The following REXO4 variants were observed in gnomAD, a reference collection of about 807,000 sequenced individuals.
The protein encoded by REXO4 is RNA exonuclease 4.
Under a neutral mutation model 39.9 loss-of-function variants are expected in REXO4, and 29 were observed. The ratio of observed to expected loss-of-function variants is 0.73; its 90% CI spans 0.54 to 0.99. The LOEUF (loss-of-function observed/expected upper bound fraction) is 0.99. Ranked by LOEUF, REXO4 falls within the 50% of genes least tolerant of loss-of-function variation. REXO4 has a pLI of 0.00. For synonymous variants in REXO4, 184 were observed against 206.2 expected, an observed-to-expected ratio of 0.89 and a Z score of 0.92; for missense variants, 524 against 546.5, an observed-to-expected ratio of 0.96 and a Z score of 0.41.
intron 4 of REXO4, among the ~76,000 whole-genome samples, chr9:133,412,089 C>T (rs894961419): frequency 2.0e-5 from 3 of 151,882 alleles, no homozygotes; most frequent in Admixed American, 6.5e-5. Context: ...TTGAAGTCAG[C>T]GGACAGGAGG....
chr9:133,414,441 C>A, intron 2 of REXO4: 1 of 694,956 alleles, frequency 1.4e-6, no homozygotes, highest in South Asian at 1.5e-5. Flanking sequence ...TGTACTGGCA[C>A]CCACTAAATG....
Position 133,417,752 on chromosome 9 carries a change from G to C in REXO4, c.93C>G (p.Asn31Lys), listed in dbSNP as rs782601459. The change falls in exon 1 of 8, where the codon AAC becomes AAG. Residue 31 changes from asparagine to lysine, a missense_variant. Coordinates refer to ENST00000371942, the MANE Select transcript of REXO4 (RefSeq NM_020385.4). ...TTTTCCAAAACCTTTTTTTCTTCTT[G>C]TTTTTCTTCCGAGTGAGCGTCTTGA... ...GPVKTLTRKKNKKKKRFWKSK... is the reference protein window; with the variant it reads ...GPVKTLTRKKKKKKKRFWKSK... The C allele has an allele frequency of 6.2e-6, 10 of 1,613,430 alleles. No homozygotes were observed. In the South Asian group the frequency reaches 9.9e-5, roughly 16 times the overall value.
chr9:133,407,992 T>C, intron 6 of REXO4, 111 bp from the exon 7 acceptor site: 1 of 768,228 alleles, frequency 1.3e-6, no homozygotes, highest in Non-Finnish European at 2.1e-6. Flanking sequence ...CGACCTACAG[T>C]TTGCCTCTCA....
In REXO4 at chr9:133,411,066, CTCT is replaced by C; in HGVS notation, c.915_917del (p.Glu306del). ...CCACTTCCTTCTGAACAACTTCAAG[CTCT>C]TCTCCTGGAAAATCAACACAAAGAA... On this transcript the variant is annotated inframe_deletion, in exon 5 of 8. Transcript: ENST00000371942. 1 of 1,614,096 alleles carries C rather than the reference CTCT, an allele frequency of 6.2e-7. No homozygotes were observed. Among genetic ancestry groups the C allele is most frequent in the Non-Finnish European group, 8.5e-7 (1 of 1,179,964 alleles).
intron 5 of REXO4, 136 bp downstream of exon 5, chr9:133,410,849 T>C (rs782305095): frequency 3.0e-6 from 2 of 672,704 alleles, no homozygotes; most frequent in East Asian, 2.7e-5. Context: ...GCACGCGGTA[T>C]CTGATATTAT....
intron 1 of REXO4, among the ~76,000 whole-genome samples, chr9:133,416,274 G>A (rs1839595199): frequency 6.6e-6 from 1 of 152,196 alleles, no homozygotes; most frequent in African/African-American, 2.4e-5. Context: ...TCGTTACTGA[G>A]GGGAGGGCAC....
chr9:133,413,058 G>A (rs1391907927), intron 2 of REXO4, 137 bp from the exon 3 acceptor site: 10 of 883,292 alleles, frequency 1.1e-5, no homozygotes, highest in African/African-American at 5.1e-5. Flanking sequence ...CAGACACCCC[G>A]ACTGCTGGCC....
chr9:133,406,787 A>G lies in REXO4; in HGVS notation c.*166T>C. The stretch of plus-strand genomic sequence containing the variant: ...ACAGTAAGACCAGGTTTCAGACCAC[A>G]AAGTCAAGAGGAAGGAGGACCTTCT... On this transcript the variant is annotated 3_prime_UTR_variant, in exon 8 of 8. Transcript: ENST00000371942. The G allele has an allele frequency of 2.9e-6, 3 of 1,022,068 alleles. No homozygotes were observed. The highest frequency in any genetic ancestry group is 4.3e-6 in the Non-Finnish European group (3 of 705,186). The allele number at this position is 1,022,068 out of a possible 1,614,324, so 63.3% of individuals were successfully genotyped here. A position where few individuals can be genotyped will look rare whatever the true frequency, so the allele number is the denominator to read the frequency against.
rs1349291768 is a variant in REXO4, at chr9:133,408,798, C to G, written c.1044G>C (p.Gln348His). ...DHPKKKIRDT[Q>H]KYKPFKSQVK... Reference sequence around the variant, plus strand: ...CTTGACTCTTGAAAGGTTTATATTTCTGTGTGTCCCGAATCTTCTTTTTTG... The same window carrying G: ...CTTGACTCTTGAAAGGTTTATATTTGTGTGTGTCCCGAATCTTCTTTTTTG... Residue 348 changes from glutamine to histidine, a missense_variant, in exon 6 of 8, where the codon CAG (glutamine) becomes CAC (histidine). Physicochemically the swap from Gln to His is conservative, Grantham distance 24. Coordinates refer to ENST00000371942, the MANE Select transcript of REXO4 (RefSeq NM_020385.4). The G allele has an allele frequency of 1.9e-6, 3 of 1,596,752 alleles. No individual in the cohort carries two copies. The highest frequency in any genetic ancestry group is 2.6e-6 in the Non-Finnish European group (3 of 1,165,416).
chr9:133,406,672 C>T lies in REXO4; in HGVS notation c.*281G>A. 2 of 463,974 alleles carry T rather than the reference C, an allele frequency of 4.3e-6. No individual in the cohort carries two copies. Among genetic ancestry groups the T allele is most frequent in the Non-Finnish European group, 7.9e-6 (2 of 252,078 alleles). The allele number at this position is 463,974 out of a possible 1,614,324, so 28.7% of individuals were successfully genotyped here. ...CCACAGGCCCCAACCTCACCTGGCC[C>T]AGGGGGTCAGCAGTCGGTAAAGCGT... On this transcript the variant is annotated 3_prime_UTR_variant, in exon 8 of 8. Transcript: ENST00000371942.
At chr9:133,416,928 C>T in intron 1 of REXO4, among the ~76,000 whole-genome samples, 1 of 152,214 alleles carries the variant, frequency 6.6e-6, no homozygotes, top group East Asian at 1.9e-4. Flanking sequence ...GTCGCTAGAA[C>T]CCCATCACAT....
Position 133,414,791 on chromosome 9 carries a change from G to C in REXO4, c.446C>G (p.Ala149Gly), listed in dbSNP as rs1032708145. 10 of 1,614,100 alleles carry C rather than the reference G, an allele frequency of 6.2e-6. No homozygotes were observed. The highest frequency in any genetic ancestry group is 8.5e-6 in the Non-Finnish European group (10 of 1,180,012). Residue 149 changes from alanine to glycine, a missense_variant, in exon 2 of 8, where the codon GCC (alanine) becomes GGC (glycine). Ala to Gly is a moderately conservative substitution (Grantham distance 60). Coordinates refer to ENST00000371942, the MANE Select transcript of REXO4 (RefSeq NM_020385.4). ...TTTCTTATTGTGCTCTGTTCCACTG[G>C]CCTTGGTGCGAGGTACTGGCGCCCT... ...DRRAPVPRTK[A>G]SGTEHNKKGT...
In REXO4 at chr9:133,412,506, A is replaced by T; in HGVS notation, c.717-14T>A. On this transcript the variant is annotated splice_polypyrimidine_tract_variant and intron_variant, in intron 3 of 7. Transcript: ENST00000371942. ...GCTCTTGTCAGGCTGAAGGGTAACCAAAGGCTGTAGTTTAATAAACACGGC... is the reference window on the plus strand; with the variant it reads ...GCTCTTGTCAGGCTGAAGGGTAACCTAAGGCTGTAGTTTAATAAACACGGC... 1.9e-6 allele frequency: 3 copies of T among 1,613,474 alleles called. No individual in the cohort carries two copies. The highest frequency in any genetic ancestry group is 2.5e-6 in the Non-Finnish European group (3 of 1,179,714).
At chr9:133,416,561 C>A (rs964058456) in intron 1 of REXO4, among the ~76,000 whole-genome samples, 1 of 152,104 alleles carries the variant, frequency 6.6e-6, no homozygotes, top group Non-Finnish European at 1.5e-5. Context: ...ATGATCCTAA[C>A]AGGAGGTAGC....
chr9:133,408,934 TTGTGTGTGTGTGTGTGTGTGTGTGTG>T (rs71503345), intron 5 of REXO4, 92 bp from the exon 6 acceptor site: 20 of 322,006 alleles, frequency 6.2e-5, no homozygotes, highest in East Asian at 4.5e-4. Context: ...AGTAACATCT[TTGTGTGTGTGTGTGTGTGTGTGTGTG>T]TGTGTGTGTG....
chr9:133,417,591 CG>C (rs1446112264), intron 1 of REXO4, 28 bp downstream of exon 1: 1 of 1,605,892 alleles, frequency 6.2e-7, no homozygotes, highest in African/African-American at 1.3e-5. Flanking sequence ...AGCTGCGCAG[CG>C]CTCCGCCCGG....
Position 133,417,659 on chromosome 9 carries a change from T to G in REXO4, c.186A>C (p.Ala62=). ...GPGAVVRPPK[A]PEDFSQNWKA... Reference sequence around the variant, plus strand: ...TCCAGTTTTGAGAAAAGTCTTCTGGTGCCTTTGGAGGTCGCACCACAGCAC... The same window carrying G: ...TCCAGTTTTGAGAAAAGTCTTCTGGGGCCTTTGGAGGTCGCACCACAGCAC... The change falls in exon 1 of 8, where the codon GCA becomes GCC. Residue 62 remains alanine (A), a synonymous_variant. Coordinates refer to ENST00000371942, the MANE Select transcript of REXO4 (RefSeq NM_020385.4). 5 of 1,614,070 alleles carry G rather than the reference T, an allele frequency of 3.1e-6. No homozygotes were observed. The highest frequency in any genetic ancestry group is 4.2e-6 in the Non-Finnish European group (5 of 1,179,946).
rs782398032 is a variant in REXO4 at position 133,412,430 on chromosome 9, C to T, written c.779G>A (p.Ser260Asn). The change falls in exon 4 of 8, where the codon AGC becomes AAC. Residue 260 changes from serine (S) to asparagine (N), a missense_variant. Ser to Asn is a conservative substitution (Grantham distance 46, BLOSUM62 1). Transcript: ENST00000371942. ...CACGATGGACACACGGGCGGCCATG[C>T]TCTCCTCCCCCTTAGGGCCCACGCC... ...MVGVGPKGEE[S>N]MAARVSIVNQ... 6.2e-7 allele frequency: 1 copy of T among 1,614,118 alleles called. No homozygotes were observed. Among genetic ancestry groups the T allele is most frequent in the Non-Finnish European group, 8.5e-7 (1 of 1,180,026 alleles).
At position 133,414,650 on chromosome 9, in the gene REXO4, G is replaced by A. The variant is rs1015638517; in HGVS notation, c.572+15C>T. ...CTGTGCCTCGGTTCTCAGTGGTGAG[G>A]TGGCCCATACTTACTCGGTGGGTGG... On this transcript the variant is annotated intron_variant, in intron 2 of 7. Transcript: ENST00000371942. The A allele has an allele frequency of 6.8e-6, 11 of 1,611,978 alleles. No homozygotes were observed. Among genetic ancestry groups the A allele is most frequent in the Non-Finnish European group, 9.3e-6 (11 of 1,178,068 alleles).
Sources: gnomAD v4.1 joint callset for allele counts (sites outside exome capture counted in the v4.1 genomes callset) on GRCh38, gnomAD v4.1.1 for gene constraint, MANE v1.5 for transcripts, NCBI Gene and HGNC (gene_info 2026-07-23, HGNC 2026-07-21) for gene names.